The following ACSL3 variants were observed in gnomAD, a reference collection of about 807,000 sequenced individuals.
ACSL3 encodes acyl-CoA synthetase long chain family member 3, also known as fatty acid CoA ligase Acsl3.
In ACSL3, 34 loss-of-function variants were observed where a neutral mutation model predicts 84.7. The observed-to-expected ratio is 0.40, with a 90% CI of 0.31 to 0.53. The LOEUF (loss-of-function observed/expected upper bound fraction) is 0.53. ACSL3 is among the 20% of genes least tolerant of loss of function. The pLI is 0.48. For synonymous variants in ACSL3, 315 were observed against 299.4 expected, an observed-to-expected ratio of 1.05 and a Z score of -0.54; for missense variants, 680 against 873.1, an observed-to-expected ratio of 0.78 and a Z score of 2.79.
At chr2:222,929,553 G>A (rs1279851982) in intron 13 of ACSL3, among the ~76,000 whole-genome samples, 3 of 152,084 alleles carry the variant, frequency 2.0e-5, no homozygotes, top group East Asian at 1.9e-4. Flanking sequence ...AGGCCAAGAC[G>A]GGCGGATCAT....
At chr2:222,890,532 C>CT (rs948385424) in intron 2 of ACSL3, among the ~76,000 whole-genome samples, 4 of 151,512 alleles carry the variant, frequency 2.6e-5, no homozygotes, top group Middle Eastern at 3.2e-3. Context: ...CTTTTGCTAA[C>CT]TTTTTTTTTG....
intron 1 of ACSL3, among the ~76,000 whole-genome samples, chr2:222,874,066 G>C (rs1695378556): frequency 2.0e-5 from 3 of 151,924 alleles, no homozygotes; most frequent in Admixed American, 6.6e-5. Context: ...CTGTCACCCA[G>C]GCTGGAGTGC....
chr2:222,878,555 C>G (rs543069194), intron 1 of ACSL3, among the ~76,000 whole-genome samples: 2 of 152,248 alleles, frequency 1.3e-5, no homozygotes, highest in South Asian at 4.1e-4. Context: ...GCCCTTAATC[C>G]TTTATCCTAC....
At position 222,874,428 on chromosome 2, in the gene ACSL3, C is replaced by T. The variant is rs550481679; in HGVS notation, c.-207+13170C>T. Among the ~76,000 whole-genome samples, 9 of 152,204 alleles carry T rather than the reference C, an allele frequency of 5.9e-5. No homozygotes were observed. The South Asian group carries it at 1.2e-3, about 21-fold the overall frequency. ...TTTCTTGGCTGGGCACAGTGGCTAA[C>T]GTCTATAATCCCAGGACTTCGGGAG... On this transcript the variant is annotated intron_variant, in intron 1 of 16. Transcript: ENST00000357430.
chr2:222,909,254 AAGGAGAAGCAGT>A, intron 4 of ACSL3, 104 bp downstream of exon 4: 1 of 1,173,096 alleles, frequency 8.5e-7, no homozygotes, highest in Non-Finnish European at 1.2e-6. Flanking sequence ...TTCGCTGTTG[AAGGAGAAGCAGT>A]GTAGGAAGGG....
intron 1 of ACSL3, among the ~76,000 whole-genome samples, chr2:222,871,888 T>C (rs2106084927): frequency 6.6e-6 from 1 of 152,270 alleles, no homozygotes; most frequent in African/African-American, 2.4e-5. Context: ...ACCACAGATG[T>C]GAATGTTATT....
At chr2:222,893,399 A>C (rs750341831) in intron 2 of ACSL3, among the ~76,000 whole-genome samples, 12 of 152,082 alleles carry the variant, frequency 7.9e-5, no homozygotes, top group Non-Finnish European at 1.8e-4. Context: ...CCCTCCTTAG[A>C]CAGTGTACAT....
chr2:222,920,791 T>C (rs1696711784), intron 7 of ACSL3, among the ~76,000 whole-genome samples: 1 of 152,228 alleles, frequency 6.6e-6, no homozygotes, highest in South Asian at 2.1e-4. Context: ...TTGACTATTG[T>C]TTCTTGCCAC....
intron 1 of ACSL3, among the ~76,000 whole-genome samples, chr2:222,884,507 C>A (rs1342398238): frequency 6.6e-6 from 1 of 152,174 alleles, no homozygotes. Context: ...TGTTCCTTGC[C>A]TCTTTCAGTT....
At chr2:222,924,344 A>T in intron 10 of ACSL3, 112 bp from the exon 11 acceptor site, 1 of 945,450 alleles carries the variant, frequency 1.1e-6, no homozygotes, top group Non-Finnish European at 1.5e-6. Flanking sequence ...ACAGTTGAAG[A>T]GTACTTCTTT....
chr2:222,923,232 G>A (rs1696786744), intron 10 of ACSL3, 83 bp downstream of exon 10: 20 of 1,140,302 alleles, frequency 1.8e-5, no homozygotes, highest in Non-Finnish European at 2.2e-5. Flanking sequence ...AAAATATATT[G>A]TTGACAAGGT....
intron 1 of ACSL3, among the ~76,000 whole-genome samples, chr2:222,866,758 C>T (rs2106080050): frequency 2.8e-5 from 2 of 70,452 alleles, no homozygotes; most frequent in African/African-American, 6.4e-5. Context: ...CCCCCGCCCC[C>T]CCCCCCCCCC....
At chr2:222,914,186 A>T (rs1427602228) in intron 4 of ACSL3, among the ~76,000 whole-genome samples, 2 of 151,966 alleles carry the variant, frequency 1.3e-5, no homozygotes, top group Non-Finnish European at 1.5e-5. Context: ...AGGAGACAAG[A>T]TTACCACCTG....
chr2:222,890,552 A>G (rs773256671), intron 2 of ACSL3, among the ~76,000 whole-genome samples: 10 of 151,734 alleles, frequency 6.6e-5, no homozygotes, highest in Non-Finnish European at 5.9e-5. Context: ...GTATGTTTGG[A>G]ACTGTTATAT....
At chr2:222,913,820 A>G (rs1356587215) in intron 4 of ACSL3, among the ~76,000 whole-genome samples, 1 of 152,208 alleles carries the variant, frequency 6.6e-6, no homozygotes. Flanking sequence ...TATTTACTCT[A>G]CATCTCCATA....
Position 222,916,318 on chromosome 2 carries a change from G to T in ACSL3, c.379-1G>T. 1.3e-6 allele frequency: 2 copies of T among 1,532,808 alleles called. No homozygotes were observed. The highest frequency in any genetic ancestry group is 1.8e-6 in the Non-Finnish European group (2 of 1,138,262). The allele number at this position is 1,532,808 out of a possible 1,614,324, so 95.0% of individuals were successfully genotyped here. ...AAAAAAATTTTTTTTTGTTTTATCA[G>T]GTTATTCTTGGACAGTATAATTGGC... is the stretch of plus-strand genomic sequence containing the variant. On this transcript the variant is annotated splice_acceptor_variant, in intron 4 of 16. Transcript: ENST00000357430. LOFTEE classifies it high-confidence loss of function.
At chr2:222,922,983 T>G in intron 9 of ACSL3, 95 bp from the exon 10 acceptor site, 3 of 1,341,978 alleles carry the variant, frequency 2.2e-6, no homozygotes, top group Non-Finnish European at 3.1e-6. Context: ...GTAAGTACAT[T>G]AAAATAATTT....
rs57522671 is a variant in ACSL3, at chr2:222,901,964, A to AAAATG, written c.-41+1184_-41+1185insAAATG. ...GTCTCAAAAAAAAAAAAAAAAAAAAAGAACTCAAATATTGTTGAGGTAGCA... is the reference window on the plus strand; with the variant it reads ...GTCTCAAAAAAAAAAAAAAAAAAAAAAAATGGAACTCAAATATTGTTGAGGTAGCA... On this transcript the variant is annotated intron_variant, in intron 3 of 16. Transcript: ENST00000357430. Among the ~76,000 whole-genome samples the AAAATG allele has an allele frequency of 7.8e-4, 78 of 99,450 alleles. 22 individuals carry two copies. The highest frequency in any genetic ancestry group is 8.3e-3 in the Middle Eastern group (1 of 120). The allele number at this position is 99,450 out of a possible 152,430, so 65.2% of individuals were successfully genotyped here.
intron 1 of ACSL3, among the ~76,000 whole-genome samples, chr2:222,878,232 A>C (rs1012736446): frequency 1.3e-5 from 2 of 152,246 alleles, no homozygotes; most frequent in Admixed American, 1.3e-4. Context: ...CAAAAATCTC[A>C]TATCAGAATG....
Sources: allele counts gnomAD v4.1 joint callset (sites outside exome capture counted in the v4.1 genomes callset), GRCh38; gene constraint gnomAD v4.1.1; transcripts MANE v1.5; gene names NCBI Gene and HGNC (gene_info 2026-07-23, HGNC 2026-07-21).